Variants in CASP5 observed in about 807,000 individuals in gnomAD.
CASP5 encodes caspase-5.
CASP5 carries 42 observed loss-of-function variants against 45.2 expected under a neutral mutation model. That is an observed-to-expected ratio of 0.93 (90% CI 0.73 to 1.20). The LOEUF is 1.20. Ranked by LOEUF, CASP5 falls within the 50% of genes most tolerant of loss-of-function variation. CASP5 has a pLI of 0.00. For synonymous variants in CASP5, 209 were observed against 186.2 expected, an observed-to-expected ratio of 1.12 and a Z score of -1.00; for missense variants, 512 against 532.2, an observed-to-expected ratio of 0.96 and a Z score of 0.37.
At chr11:105,017,066 G>A (rs1451545598) in intron 1 of CASP5, among the ~76,000 whole-genome samples, 1 of 151,570 alleles carries the variant, frequency 6.6e-6, no homozygotes, top group African/African-American at 2.4e-5. Flanking sequence ...TCACACGGCC[G>A]GGTACTCCAA....
intron 7 of CASP5, among the ~76,000 whole-genome samples, chr11:104,998,455 C>T (rs1307006989): frequency 6.6e-6 from 1 of 152,130 alleles, no homozygotes; most frequent in African/African-American, 2.4e-5. Context: ...TAACATTGCT[C>T]TTTGTAGGAT....
At chr11:105,017,406 G>C (rs1176443344) in intron 1 of CASP5, among the ~76,000 whole-genome samples, 1 of 152,030 alleles carries the variant, frequency 6.6e-6, no homozygotes, top group Non-Finnish European at 1.5e-5. Flanking sequence ...TGAAAACCTT[G>C]AAAAAAATTT....
At chr11:105,019,907 A>G (rs1229023508) in intron 1 of CASP5, among the ~76,000 whole-genome samples, 40 of 146,266 alleles carry the variant, frequency 2.7e-4, no homozygotes, top group African/African-American at 7.9e-4. Context: ...AAAATCCTCA[A>G]TAAAATACTG....
At chr11:105,022,391 A>G (rs1285429355) in intron 1 of CASP5, among the ~76,000 whole-genome samples, 2 of 152,154 alleles carry the variant, frequency 1.3e-5, no homozygotes, top group South Asian at 2.1e-4. Flanking sequence ...GCACTGATCT[A>G]TTCCAGTTTC....
intron 1 of CASP5, among the ~76,000 whole-genome samples, chr11:105,015,116 T>C (rs1862524024): frequency 6.6e-6 from 1 of 151,950 alleles, no homozygotes; most frequent in South Asian, 2.1e-4. Flanking sequence ...GGGCCATCAT[T>C]TGAAGATGTT....
chr11:105,009,810 CACACATATATATATACACATATATATAT>C (rs1197714665), intron 1 of CASP5, among the ~76,000 whole-genome samples: 1 of 98,436 alleles, frequency 1.0e-5, no homozygotes, highest in Admixed American at 9.5e-5. Context: ...TATATATACA[CACACATATATATATACACATATATATAT>C]ACACATATAT....
chr11:104,995,943 G>C (rs1424358889), intron 8 of CASP5, 101 bp from the exon 9 acceptor site: 1 of 724,828 alleles, frequency 1.4e-6, no homozygotes, highest in Non-Finnish European at 2.4e-6. Flanking sequence ...GAGCTTCCAG[G>C]GTTGATAGGA....
At chr11:104,995,427 T>G (rs1179882020) in intron 9 of CASP5, among the ~76,000 whole-genome samples, 1 of 151,792 alleles carries the variant, frequency 6.6e-6, no homozygotes, top group Non-Finnish European at 1.5e-5. Flanking sequence ...AGAGAGGGAG[T>G]GTATGAGAGA....
chr11:105,018,144 C>T (rs1862735444), intron 1 of CASP5, among the ~76,000 whole-genome samples: 1 of 151,822 alleles, frequency 6.6e-6, no homozygotes, highest in Non-Finnish European at 1.5e-5. Flanking sequence ...CCTAAAAGAG[C>T]TCCTGAAGGA....
intron 1 of CASP5, among the ~76,000 whole-genome samples, chr11:105,017,192 C>T (rs569503923): frequency 1.3e-5 from 2 of 152,024 alleles, no homozygotes; most frequent in South Asian, 4.1e-4. Flanking sequence ...GTAGAAAAAA[C>T]CACAAAGATG....
intron 1 of CASP5, among the ~76,000 whole-genome samples, chr11:105,017,801 G>A (rs932355984): frequency 3.9e-4 from 59 of 151,952 alleles, no homozygotes; most frequent in African/African-American, 1.3e-3. Flanking sequence ...AGGAAATACA[G>A]AGAATGCCAC....
At chr11:104,996,183 A>G (rs1028410349) in intron 8 of CASP5, among the ~76,000 whole-genome samples, 1 of 152,068 alleles carries the variant, frequency 6.6e-6, no homozygotes, top group Non-Finnish European at 1.5e-5. Context: ...AGTACTTTCA[A>G]CCCCCACCAA....
chr11:105,007,103 T>G lies in CASP5; in HGVS notation c.413A>C (p.Gln138Pro). 1 of 1,612,636 alleles carries G rather than the reference T, an allele frequency of 6.2e-7. No homozygotes were observed. The highest frequency in any genetic ancestry group is 8.5e-7 in the Non-Finnish European group (1 of 1,179,436). Residue 138 changes from glutamine (Q) to proline (P), a missense_variant, in exon 3 of 10, where the codon CAA (glutamine) becomes CCA (proline). Physicochemically the swap from Gln to Pro is moderately conservative, Grantham distance 76 (BLOSUM62 -1). Coordinates refer to ENST00000260315, the MANE Select transcript of CASP5 (RefSeq NM_004347.5). Reference protein sequence around the residue: ...MFTQTLLNMDQKITSVKPLLQ... With the variant: ...MFTQTLLNMDPKITSVKPLLQ... The stretch of plus-strand genomic sequence containing the variant: ...CTTACGTTTTACACTGGTGATCTTT[T>G]GGTCCATATTGAGAAGTGTTTGGGT...
intron 1 of CASP5, among the ~76,000 whole-genome samples, chr11:105,010,595 G>A (rs1007134494): frequency 6.6e-6 from 1 of 150,454 alleles, no homozygotes; most frequent in African/African-American, 2.4e-5. Flanking sequence ...GTAGTATACT[G>A]GACTCTCACA....
chr11:105,015,279 A>G (rs1332295597), intron 1 of CASP5, among the ~76,000 whole-genome samples: 1 of 152,226 alleles, frequency 6.6e-6, no homozygotes, highest in Non-Finnish European at 1.5e-5. Flanking sequence ...TAATAGCACA[A>G]ACTTAACTGA....
At position 105,014,925 on chromosome 11, in the gene CASP5, G is replaced by C. The variant is rs572798435; in HGVS notation, c.8-5945C>G. 7.2e-5 allele frequency among the ~76,000 whole-genome samples: 11 copies of C among 152,336 alleles called. No homozygotes were observed. In the South Asian group the frequency reaches 2.3e-3, roughly 32 times the overall value. On this transcript the variant is annotated intron_variant, in intron 1 of 9. Coordinates refer to ENST00000260315, the MANE Select transcript of CASP5 (RefSeq NM_004347.5). ...CAGAGAAGGGAGGGCTTGGCACTGA[G>C]ACCTGAAAGACTAGGAGGAATTTGC... is the stretch of plus-strand genomic sequence containing the variant.
At chr11:104,995,877 T>A in intron 8 of CASP5, 35 bp from the exon 9 acceptor site, 13 of 1,262,920 alleles carry the variant, frequency 1.0e-5, no homozygotes, top group African/African-American at 1.5e-5. Flanking sequence ...ATATGAGGGA[T>A]TTTGGGTTCT....
chr11:104,999,015 T>A lies in CASP5; in HGVS notation c.966A>T (p.Glu322Asp). 1 of 1,596,148 alleles carries A rather than the reference T, an allele frequency of 6.3e-7. No homozygotes were observed. The highest frequency in any genetic ancestry group is 8.5e-7 in the Non-Finnish European group (1 of 1,174,726). ...ATGCTGGAGAGTCTCTGACCCAGAG[T>A]TCCCCATGTTTTTCTGTAGAGACAT... is the stretch of plus-strand genomic sequence containing the variant. ...VQACRGEKHG[E>D]LWVRDSPASL... Residue 322 changes from glutamate to aspartate, a missense_variant, in exon 7 of 10, where the codon GAA becomes GAT. Coordinates refer to ENST00000260315, the MANE Select transcript of CASP5 (RefSeq NM_004347.5).
At chr11:105,010,194 AATAATGAACCAACC>A (rs1421624735) in intron 1 of CASP5, among the ~76,000 whole-genome samples, 1 of 151,136 alleles carries the variant, frequency 6.6e-6, no homozygotes, top group Non-Finnish European at 1.5e-5. Context: ...TTCATATGCC[AATAATGAACCAACC>A]ATTATTAGAA....
Sources: allele counts gnomAD v4.1 joint callset (sites outside exome capture counted in the v4.1 genomes callset), GRCh38; gene constraint gnomAD v4.1.1; transcripts MANE v1.5; gene names NCBI Gene and HGNC (gene_info 2026-07-23, HGNC 2026-07-21).